CADM2: variants seen among roughly 807,000 people sequenced by gnomAD.
CADM2 encodes the protein cell adhesion molecule 2.
CADM2 carries 12 observed loss-of-function variants against 49.8 expected under a neutral mutation model. That is an observed-to-expected ratio of 0.24 (90% CI 0.15 to 0.39). The LOEUF (loss-of-function observed/expected upper bound fraction) is 0.39. Among genes scored for constraint, CADM2 ranks in the 10% least tolerant of loss-of-function variants. The pLI is 1.00. For synonymous variants in CADM2, 214 were observed against 175.4 expected (o/e 1.22, Z -1.74); for missense variants, 378 against 492.3 (o/e 0.77, Z 2.20).
At chr3:84,976,439 A>C (rs1428533594) in intron 1 of CADM2, among the ~76,000 whole-genome samples, 2 of 151,834 alleles carry the variant, frequency 1.3e-5, no homozygotes, top group Non-Finnish European at 3.0e-5. Context: ...TTAGTGAAAA[A>C]TCCATCATAA....
intron 3 of CADM2, among the ~76,000 whole-genome samples, chr3:85,882,346 T>C (rs1240917273): frequency 6.6e-6 from 1 of 152,072 alleles, no homozygotes; most frequent in Non-Finnish European, 1.5e-5. Flanking sequence ...TCTCCTGATA[T>C]TGTTGGATGG....
At chr3:85,930,611 C>T (rs1181249377) in intron 6 of CADM2, among the ~76,000 whole-genome samples, 1 of 152,016 alleles carries the variant, frequency 6.6e-6, no homozygotes, top group Non-Finnish European at 1.5e-5. Flanking sequence ...ACCCCCAGTA[C>T]CCTTCTGAGC....
At chr3:85,385,394 G>T (rs944726471) in intron 1 of CADM2, among the ~76,000 whole-genome samples, 7 of 152,316 alleles carry the variant, frequency 4.6e-5, no homozygotes, top group African/African-American at 1.7e-4. Flanking sequence ...GATAGTAGGG[G>T]AGAGAATCAT....
At chr3:85,999,516 GAAAA>G (rs1015674273) in intron 8 of CADM2, among the ~76,000 whole-genome samples, 1 of 124,706 alleles carries the variant, frequency 8.0e-6, no homozygotes, top group African/African-American at 3.0e-5. Flanking sequence ...AAAAAGAAAA[GAAAA>G]AGAAAGAAGG....
chr3:85,452,553 G>T (rs2037797031), intron 1 of CADM2, among the ~76,000 whole-genome samples: 1 of 151,656 alleles, frequency 6.6e-6, no homozygotes, highest in African/African-American at 2.4e-5. Context: ...TGTTGTATAA[G>T]GCAATTAAAA....
intron 2 of CADM2, among the ~76,000 whole-genome samples, chr3:85,776,336 TACACACAC>T (rs141105558): frequency 8.9e-5 from 13 of 146,256 alleles, no homozygotes; most frequent in South Asian, 6.5e-4. Context: ...CAAACTCTCT[TACACACAC>T]ACACACACAC....
chr3:85,880,367 A>G (rs1462731005), intron 3 of CADM2, among the ~76,000 whole-genome samples: 1 of 152,140 alleles, frequency 6.6e-6, no homozygotes, highest in Non-Finnish European at 1.5e-5. Flanking sequence ...GGAGAAGGGT[A>G]GTCCATTGTA....
intron 1 of CADM2, among the ~76,000 whole-genome samples, chr3:85,553,552 A>G (rs919167127): frequency 6.6e-6 from 1 of 152,188 alleles, no homozygotes; most frequent in Admixed American, 6.5e-5. Context: ...TATGTGTAAA[A>G]TACATTTAAA....
In CADM2 at chr3:85,442,750, TTTA is replaced by T. The variant is rs1432013866; in HGVS notation, c.62-283771_62-283769del. On this transcript the variant is annotated intron_variant, in intron 1 of 9. Coordinates refer to ENST00000383699, the MANE Select transcript of CADM2 (RefSeq NM_001167675.2). ...TATAAAAAAGTGACATAAGAATATATTTACAATATTTTCAAAAACCTAAGACAA... is the reference window on the plus strand; with the variant it reads ...TATAAAAAAGTGACATAAGAATATATCAATATTTTCAAAAACCTAAGACAA... Among the ~76,000 whole-genome samples the T allele has an allele frequency of 2.7e-5, 4 of 150,898 alleles. No homozygotes were observed. The East Asian group carries it at 5.8e-4, about 22-fold the overall frequency.
At chr3:85,199,419 G>A (rs538596648) in intron 1 of CADM2, among the ~76,000 whole-genome samples, 120 of 147,632 alleles carry the variant, frequency 8.1e-4, no homozygotes, top group African/African-American at 2.9e-3. Flanking sequence ...AAAAGGAATA[G>A]ACAAAAGCTG....
At chr3:85,454,279 C>T (rs985911918) in intron 1 of CADM2, among the ~76,000 whole-genome samples, 4 of 151,734 alleles carry the variant, frequency 2.6e-5, no homozygotes, top group Non-Finnish European at 4.4e-5. Flanking sequence ...TGCAGTGAGC[C>T]GAGATTACAA....
intron 1 of CADM2, among the ~76,000 whole-genome samples, chr3:85,606,890 T>G (rs1204745411): frequency 6.6e-6 from 1 of 152,140 alleles, no homozygotes. Flanking sequence ...TTAAGATATT[T>G]GGTCTTCAGG....
At chr3:85,355,918 T>A (rs1483773422) in intron 1 of CADM2, among the ~76,000 whole-genome samples, 1 of 152,074 alleles carries the variant, frequency 6.6e-6, no homozygotes, top group Non-Finnish European at 1.5e-5. Flanking sequence ...TAATATGAGC[T>A]GGAAATAAGA....
chr3:85,513,086 CA>C (rs2060810077), intron 1 of CADM2, among the ~76,000 whole-genome samples: 1 of 151,918 alleles, frequency 6.6e-6, no homozygotes, highest in African/African-American at 2.4e-5. Context: ...GTTCTGCTTC[CA>C]AAATAGAAGA....
At chr3:85,588,480 G>C (rs753411386) in intron 1 of CADM2, among the ~76,000 whole-genome samples, 1 of 152,004 alleles carries the variant, frequency 6.6e-6, no homozygotes, top group Non-Finnish European at 1.5e-5. Context: ...CATTTTATAC[G>C]TTGAATTTAA....
At chr3:85,720,271 T>C (rs1428209452) in intron 1 of CADM2, among the ~76,000 whole-genome samples, 1 of 152,182 alleles carries the variant, frequency 6.6e-6, no homozygotes, top group Non-Finnish European at 1.5e-5. Context: ...TGCTATCCAG[T>C]TTTCATTATT....
At chr3:85,855,555 ATATATT>A (rs1401560850) in intron 3 of CADM2, among the ~76,000 whole-genome samples, 3 of 146,078 alleles carry the variant, frequency 2.1e-5, no homozygotes, top group Non-Finnish European at 4.5e-5. Flanking sequence ...GTTTATTTTT[ATATATT>A]TATATTTATA....
At chr3:86,020,267 C>A (rs1306652339) in intron 8 of CADM2, among the ~76,000 whole-genome samples, 8 of 151,700 alleles carry the variant, frequency 5.3e-5, no homozygotes, top group African/African-American at 1.9e-4. Flanking sequence ...GACACATACA[C>A]TCTCCCAAGA....
intron 3 of CADM2, among the ~76,000 whole-genome samples, chr3:85,865,243 G>T (rs972252423): frequency 6.6e-6 from 1 of 152,132 alleles, no homozygotes; most frequent in African/African-American, 2.4e-5. Context: ...CTCTGTCTGG[G>T]AGCACTGAAG....
Sources: allele counts gnomAD v4.1 joint callset (sites outside exome capture counted in the v4.1 genomes callset), GRCh38; gene constraint gnomAD v4.1.1; transcripts MANE v1.5; gene names NCBI Gene and HGNC (gene_info 2026-07-23, HGNC 2026-07-21).